Variants in ACOT11 observed in about 807,000 individuals in gnomAD.
ACOT11 encodes acyl-CoA thioesterase 11.
Under a neutral mutation model 77.5 loss-of-function variants are expected in ACOT11, and 69 were observed. The ratio of observed to expected loss-of-function variants is 0.89; its 90% CI spans 0.73 to 1.09. ACOT11 has a LOEUF of 1.09. ACOT11 is among the 50% of genes least tolerant of loss of function. The pLI, the probability that ACOT11 is intolerant of heterozygous loss-of-function variation, is 0.00. For missense variants in ACOT11, 766 were observed against 813.7 expected (o/e 0.94, Z 0.71); for synonymous variants, 279 against 313.0 (o/e 0.89, Z 1.15).
Position 54,604,386 on chromosome 1 carries a change from T to A in ACOT11, c.1193T>A (p.Leu398His). The A allele has an allele frequency of 6.2e-7, 1 of 1,614,062 alleles. No individual in the cohort carries two copies. The highest frequency in any genetic ancestry group is 1.1e-5 in the South Asian group (1 of 91,082). The change falls in exon 12 of 16, where the codon CTT (leucine) becomes CAT (histidine). Residue 398 changes from leucine to histidine, a missense_variant. Coordinates refer to ENST00000343744, the MANE Select transcript of ACOT11 (RefSeq NM_147161.4). ...AATAACGTCTCCTCCTTGAAGATGC[T>A]TGTGGCCAAGGACAACTGGGTGCTG... ...SYNNVSSLKM[L>H]VAKDNWVLSS... is the part of the protein sequence containing the mutation.
At chr1:54,590,888 G>A (rs1217237358) in intron 3 of ACOT11, among the ~76,000 whole-genome samples, 1 of 152,126 alleles carries the variant, frequency 6.6e-6, no homozygotes. Flanking sequence ...CCAAGTAGCT[G>A]GAATTATAGG....
At chr1:54,605,274 CCTT>C in intron 13 of ACOT11, 65 bp downstream of exon 13, 3 of 1,562,256 alleles carry the variant, frequency 1.9e-6, no homozygotes, top group Non-Finnish European at 2.6e-6. Flanking sequence ...GAGAGTGTCT[CCTT>C]CTGCGGGTCA....
At chr1:54,631,395 A>C (rs11206397) in intron 16 of ACOT11, among the ~76,000 whole-genome samples, 1 of 151,992 alleles carries the variant, frequency 6.6e-6, no homozygotes. Flanking sequence ...GTTCTCCTTT[A>C]GTAATTGGAC....
Position 54,609,989 on chromosome 1 carries a change from A to G in ACOT11, c.*877A>G, listed in dbSNP as rs752227081. On this transcript the variant is annotated 3_prime_UTR_variant, in exon 16 of 16. Transcript: ENST00000343744. ...CAGTGTTTAGGATTTGGGTTATCAT[A>G]AGGTGTTAAGAGTCCCTTGTTAAAG... The G allele has an allele frequency of 1.9e-6, 3 of 1,562,604 alleles. No individual in the cohort carries two copies. In the East Asian group the frequency reaches 6.7e-5, roughly 35 times the overall value.
At chr1:54,619,736 C>T (rs1557673860) in intron 15 of ACOT11, 5 of 956,644 alleles carry the variant, frequency 5.2e-6, no homozygotes, top group Non-Finnish European at 6.3e-6. Context: ...GCCCCTATTT[C>T]CTCATGCTGA....
At chr1:54,604,635 C>T (rs983037662) in intron 12 of ACOT11, among the ~76,000 whole-genome samples, 4 of 152,202 alleles carry the variant, frequency 2.6e-5, no homozygotes, top group Non-Finnish European at 5.9e-5. Flanking sequence ...TCTCTCCTGC[C>T]TGCCCCCCTT....
At chr1:54,612,832 A>G, downstream of ACOT11, 1 of 700,426 alleles carries the variant, frequency 1.4e-6, no homozygotes, top group South Asian at 1.8e-5. Flanking sequence ...GGTCAGAAGC[A>G]GAGTCCCAAA....
At chr1:54,600,873 C>T (rs1643953020) in intron 8 of ACOT11, among the ~76,000 whole-genome samples, 1 of 152,124 alleles carries the variant, frequency 6.6e-6, no homozygotes, top group Non-Finnish European at 1.5e-5. Flanking sequence ...CATATTTATA[C>T]CTTTGCTTTC....
intron 13 of ACOT11, among the ~76,000 whole-genome samples, chr1:54,605,845 A>C (rs60133071): frequency 0.036 from 5,427 of 152,268 alleles, 158 homozygotes; most frequent in African/African-American, 0.076. Flanking sequence ...TCTTAGGAAA[A>C]TAGCAAAATT....
chr1:54,585,739 G>T (rs1459060683), intron 2 of ACOT11, 96 bp from the exon 3 acceptor site: 2 of 1,275,788 alleles, frequency 1.6e-6, no homozygotes, highest in Non-Finnish European at 1.1e-6. Context: ...GCCTTGGCTT[G>T]GGCGGCTGGA....
At chr1:54,631,615 G>A (rs1465543377) in intron 16 of ACOT11, among the ~76,000 whole-genome samples, 2 of 152,148 alleles carry the variant, frequency 1.3e-5, no homozygotes, top group South Asian at 2.1e-4. Context: ...GGCTGGTTTC[G>A]ATGCACAAGT....
chr1:54,612,700 G>A (rs1199063019), downstream of ACOT11: 2 of 1,613,408 alleles, frequency 1.2e-6, no homozygotes. Context: ...TCCTGGACCA[G>A]GGCCAGGAAC....
chr1:54,588,763 A>G (rs553511168), intron 3 of ACOT11, among the ~76,000 whole-genome samples: 3 of 152,134 alleles, frequency 2.0e-5, no homozygotes, highest in African/African-American at 7.2e-5. Flanking sequence ...TTAGGGGTAC[A>G]TGCATGATGG....
At chr1:54,620,121 C>A in intron 15 of ACOT11, 1 of 1,142,416 alleles carries the variant, frequency 8.8e-7, no homozygotes, top group Non-Finnish European at 1.2e-6. Context: ...CCCCATCTGG[C>A]AGAGGGACGG....
At chr1:54,554,029 C>G (rs1276470195) in intron 1 of ACOT11, among the ~76,000 whole-genome samples, 2 of 151,928 alleles carry the variant, frequency 1.3e-5, no homozygotes, top group Non-Finnish European at 2.9e-5. Context: ...CAAAAATTGC[C>G]AGGTGTGGTA....
chr1:54,634,085 A>C (rs1474710967), intron 16 of ACOT11, among the ~76,000 whole-genome samples: 3 of 152,212 alleles, frequency 2.0e-5, no homozygotes, highest in Non-Finnish European at 2.9e-5. Context: ...TCGGATTGTT[A>C]AATTACATGG....
rs543181371 is a variant in ACOT11 at position 54,627,968 on chromosome 1, G to C, written c.1630-2766G>C. On this transcript the variant is annotated intron_variant, in intron 15 of 16. Transcript: ENST00000371316. ...AGAGAAATGAGACTGGGGAGCCCCG[G>C]AGGCCTGGGTCACCCTGATAAAGAA... is the stretch of plus-strand genomic sequence containing the variant. 2.9e-4 allele frequency among the ~76,000 whole-genome samples: 38 copies of C among 133,096 alleles called. 5 individuals carry two copies. The highest frequency in any genetic ancestry group is 9.7e-4 in the African/African-American group (38 of 39,278). 87.3% of individuals were successfully genotyped at this position (133,096 alleles called of 152,430 possible). A position where few individuals can be genotyped will look rare whatever the true frequency, so the allele number is the denominator to read the frequency against.
At chr1:54,633,138 AT>A (rs1644310800) in intron 16 of ACOT11, among the ~76,000 whole-genome samples, 1 of 152,226 alleles carries the variant, frequency 6.6e-6, no homozygotes, top group African/African-American at 2.4e-5. Context: ...TTAGGAAAAA[AT>A]TTTTGGTGGC....
intron 1 of ACOT11, among the ~76,000 whole-genome samples, chr1:54,577,982 C>T (rs975025689): frequency 2.0e-5 from 3 of 152,200 alleles, no homozygotes; most frequent in African/African-American, 7.2e-5. Context: ...GGATCCCTCT[C>T]GGGGCTGCAT....
Sources: gnomAD v4.1 joint callset for allele counts (sites outside exome capture counted in the v4.1 genomes callset) on GRCh38, gnomAD v4.1.1 for gene constraint, MANE v1.5 for transcripts, NCBI Gene and HGNC (gene_info 2026-07-23, HGNC 2026-07-21) for gene names.